Variants in CCSER1 observed in about 807,000 individuals in gnomAD.
The protein encoded by CCSER1 is serine-rich coiled-coil domain-containing protein 1.
Under a neutral mutation model 82.0 loss-of-function variants are expected in CCSER1, and 41 were observed. The observed-to-expected ratio is 0.50, with a 90% CI of 0.39 to 0.65. The LOEUF is 0.65. CCSER1 is among the 30% of genes least tolerant of loss of function. CCSER1 has a pLI of 0.00. For missense variants in CCSER1, 1,119 were observed against 1,064.2 expected, an observed-to-expected ratio of 1.05 and a Z score of -0.72; for synonymous variants, 414 against 383.9, an observed-to-expected ratio of 1.08 and a Z score of -0.92.
intron 10 of CCSER1, among the ~76,000 whole-genome samples, chr4:91,592,887 A>G (rs1457930453): frequency 6.6e-6 from 1 of 152,148 alleles, no homozygotes; most frequent in Non-Finnish European, 1.5e-5. Flanking sequence ...CAATGAAAAT[A>G]ATCATGTGCA....
At chr4:90,840,728 C>T (rs1159097085) in intron 8 of CCSER1, among the ~76,000 whole-genome samples, 1 of 152,014 alleles carries the variant, frequency 6.6e-6, no homozygotes, top group Non-Finnish European at 1.5e-5. Flanking sequence ...CACCCTCATC[C>T]ATGAAAGCTG....
At chr4:90,360,212 C>T (rs1279529079) in intron 3 of CCSER1, among the ~76,000 whole-genome samples, 2 of 148,020 alleles carry the variant, frequency 1.4e-5, no homozygotes, top group African/African-American at 2.5e-5. Flanking sequence ...CCACCGCGCC[C>T]GGCCACAATA....
intron 1 of CCSER1, among the ~76,000 whole-genome samples, chr4:90,247,338 TGTC>T (rs1164241390): frequency 6.6e-6 from 1 of 152,096 alleles, no homozygotes; most frequent in Non-Finnish European, 1.5e-5. Context: ...AAAGGGAACT[TGTC>T]GTAGTTGTTG....
intron 10 of CCSER1, among the ~76,000 whole-genome samples, chr4:91,115,673 A>G (rs1411627110): frequency 6.6e-6 from 1 of 152,004 alleles, no homozygotes; most frequent in Non-Finnish European, 1.5e-5. Flanking sequence ...GGCTCAGGGT[A>G]CATACTAAAA....
intron 1 of CCSER1, among the ~76,000 whole-genome samples, chr4:90,266,668 G>A (rs1435022825): frequency 6.6e-6 from 1 of 152,092 alleles, no homozygotes; most frequent in Non-Finnish European, 1.5e-5. Context: ...TCTGGGGGAG[G>A]GAGAGTGAGC....
At chr4:90,349,414 T>G (rs1357588590) in intron 3 of CCSER1, among the ~76,000 whole-genome samples, 1 of 152,130 alleles carries the variant, frequency 6.6e-6, no homozygotes, top group Non-Finnish European at 1.5e-5. Context: ...AGCACTTGTT[T>G]AGGATATAGG....
At chr4:90,265,729 A>T (rs534768331) in intron 1 of CCSER1, among the ~76,000 whole-genome samples, 1 of 152,232 alleles carries the variant, frequency 6.6e-6, no homozygotes, top group African/African-American at 2.4e-5. Flanking sequence ...TAATTGCATG[A>T]TCTTAAGGAT....
At chr4:90,717,366 A>T (rs1238959342) in intron 6 of CCSER1, among the ~76,000 whole-genome samples, 3 of 152,180 alleles carry the variant, frequency 2.0e-5, no homozygotes, top group Non-Finnish European at 2.9e-5. Flanking sequence ...TAAAGAAAAA[A>T]GCTTGCATTT....
intron 9 of CCSER1, among the ~76,000 whole-genome samples, chr4:91,061,618 G>A (rs1156804827): frequency 6.6e-6 from 1 of 151,950 alleles, no homozygotes; most frequent in Non-Finnish European, 1.5e-5. Flanking sequence ...TCACTCGATT[G>A]CCCAAATTTA....
chr4:90,906,127 CTGAG>C (rs1204521643), intron 8 of CCSER1, among the ~76,000 whole-genome samples: 2 of 152,094 alleles, frequency 1.3e-5, no homozygotes, highest in East Asian at 1.9e-4. Context: ...TCTAAAGCAA[CTGAG>C]TAATTCCTCT....
intron 10 of CCSER1, among the ~76,000 whole-genome samples, chr4:91,121,683 T>C (rs1349174769): frequency 6.6e-6 from 1 of 151,658 alleles, no homozygotes; most frequent in African/African-American, 2.4e-5. Context: ...TTTTGACTTT[T>C]AGATAAATCT....
chr4:91,323,990 C>T (rs1746374408), intron 10 of CCSER1, among the ~76,000 whole-genome samples: 1 of 152,166 alleles, frequency 6.6e-6, no homozygotes, highest in South Asian at 2.1e-4. Context: ...GGTAAACATT[C>T]TGAAGAAAGG....
At chr4:90,209,861 G>A (rs979722426) in intron 1 of CCSER1, among the ~76,000 whole-genome samples, 3 of 151,324 alleles carry the variant, frequency 2.0e-5, no homozygotes, top group Admixed American at 2.0e-4. Context: ...TTAAAGGACT[G>A]TCCTGTTTAA....
At chr4:90,780,427 T>G in intron 7 of CCSER1, 1 of 1,608,486 alleles carries the variant, frequency 6.2e-7, no homozygotes, top group East Asian at 2.2e-5. Context: ...TTATTTATTT[T>G]TATTGTTTTT....
chr4:90,207,700 G>T (rs1185065571), intron 1 of CCSER1, among the ~76,000 whole-genome samples: 1 of 152,042 alleles, frequency 6.6e-6, no homozygotes, highest in Non-Finnish European at 1.5e-5. Context: ...CCTTTTTGTT[G>T]ATGTTGATCC....
Position 90,156,320 on chromosome 4 carries a change from G to T in CCSER1, c.-42+28489G>T, listed in dbSNP as rs533389791. ...ATGTGGTCAATTTTGGAATAGGTAT[G>T]GTGTGGTGCTGAAAAAAATGTGTAT... is the stretch of plus-strand genomic sequence containing the variant. On this transcript the variant is annotated intron_variant, in intron 1 of 10. Transcript: ENST00000509176. 9.2e-5 allele frequency among the ~76,000 whole-genome samples: 14 copies of T among 152,280 alleles called. No homozygotes were observed. The South Asian group carries it at 2.7e-3, about 29-fold the overall frequency.
At chr4:90,306,205 A>G (rs1292495063) in intron 1 of CCSER1, among the ~76,000 whole-genome samples, 9 of 152,134 alleles carry the variant, frequency 5.9e-5, no homozygotes, top group Non-Finnish European at 1.2e-4. Context: ...GGCCAGGGGA[A>G]TGGGGAAATA....
At chr4:91,122,417 AT>A (rs904219075) in intron 10 of CCSER1, among the ~76,000 whole-genome samples, 16 of 151,698 alleles carry the variant, frequency 1.1e-4, no homozygotes, top group African/African-American at 2.9e-4. Context: ...GCAACTTGAC[AT>A]TTTTTTTCTG....
chr4:91,336,662 G>A (rs1457517454), intron 10 of CCSER1, among the ~76,000 whole-genome samples: 1 of 152,066 alleles, frequency 6.6e-6, no homozygotes, highest in Non-Finnish European at 1.5e-5. Flanking sequence ...TCTTTCAGTA[G>A]TAATTGGATA....
Sources: gnomAD v4.1 joint callset for allele counts (sites outside exome capture counted in the v4.1 genomes callset) on GRCh38, gnomAD v4.1.1 for gene constraint, MANE v1.5 for transcripts, NCBI Gene and HGNC (gene_info 2026-07-23, HGNC 2026-07-21) for gene names.